Variants in SLC6A13 observed in about 807,000 individuals in gnomAD.
SLC6A13 encodes the protein sodium- and chloride-dependent GABA transporter 2.
Under a neutral mutation model 72.9 loss-of-function variants are expected in SLC6A13, and 69 were observed. The ratio of observed to expected loss-of-function variants is 0.95; its 90% CI spans 0.78 to 1.16. The LOEUF is 1.16. Among genes scored for constraint, SLC6A13 ranks in the 50% most tolerant of loss-of-function variants. The pLI is 0.00. For missense variants in SLC6A13, 735 were observed against 760.5 expected (o/e 0.97, Z 0.39); for synonymous variants, 303 against 303.0 (o/e 1.00, Z 0.00).
At chr12:227,502 G>A (rs536191322) in intron 8 of SLC6A13, 63 bp downstream of exon 8, 296 of 1,606,898 alleles carry the variant, frequency 1.8e-4, no homozygotes, top group Non-Finnish European at 2.4e-4. Context: ...CCCTCGTCTA[G>A]CGTGGCTGGA....
chr12:250,546 C>T (rs1159100066), intron 2 of SLC6A13, among the ~76,000 whole-genome samples: 1 of 151,864 alleles, frequency 6.6e-6, no homozygotes, highest in Admixed American at 6.6e-5. Flanking sequence ...ACAATAGCAT[C>T]AAAAATATTA....
intron 7 of SLC6A13, among the ~76,000 whole-genome samples, chr12:232,074 C>T (rs1043373864): frequency 6.6e-6 from 1 of 152,164 alleles, no homozygotes; most frequent in African/African-American, 2.4e-5. Context: ...CTGCTGTGAG[C>T]GTTTGCTGAA....
intron 2 of SLC6A13, among the ~76,000 whole-genome samples, chr12:247,027 G>A (rs201971657): frequency 1.7e-4 from 3 of 17,492 alleles, no homozygotes; most frequent in Non-Finnish European, 4.4e-4. Flanking sequence ...AAAAAAGAAA[G>A]AAAGAAAAGA....
intron 7 of SLC6A13, among the ~76,000 whole-genome samples, chr12:229,513 G>A (rs1035531553): frequency 2.0e-5 from 3 of 152,214 alleles, no homozygotes; most frequent in Admixed American, 6.5e-5. Context: ...GCAGCTTCAA[G>A]AGCAGGACCT....
At chr12:246,294 G>T (rs1385989007) in intron 2 of SLC6A13, among the ~76,000 whole-genome samples, 1 of 151,968 alleles carries the variant, frequency 6.6e-6, no homozygotes, top group Non-Finnish European at 1.5e-5. Flanking sequence ...CTCCAGCCTG[G>T]CAACAGAGTG....
rs537541659 is a variant in SLC6A13 at position 260,003 on chromosome 12, A to G, written c.50T>C (p.Val17Ala). 1.7e-5 allele frequency: 28 copies of G among 1,614,044 alleles called. No homozygotes were observed. Among genetic ancestry groups the G allele is most frequent in the Admixed American group, 1.7e-5 (1 of 60,018 alleles). ...GTTSNGETKP[V>A]YPVMEKKEED... ...CTCCTTCTTTTCCATGACTGGATAC[A>G]CTGGTTTTGTCTCTCCATTACTGGT... The change falls in exon 2 of 15, where the codon GTG becomes GCG. Residue 17 changes from valine (V) to alanine (A), a missense_variant. Val to Ala is a moderately conservative substitution (Grantham distance 64). Coordinates refer to ENST00000343164, the MANE Select transcript of SLC6A13 (RefSeq NM_016615.5).
At chr12:239,340 CGG>C (rs1942078021) in intron 4 of SLC6A13, among the ~76,000 whole-genome samples, 1 of 146,140 alleles carries the variant, frequency 6.8e-6, no homozygotes, top group African/African-American at 2.5e-5. Context: ...CCTCAGCCAC[CGG>C]CTCTACCACG....
intron 2 of SLC6A13, among the ~76,000 whole-genome samples, chr12:253,017 C>T (rs1398837139): frequency 6.6e-6 from 1 of 152,212 alleles, no homozygotes; most frequent in Non-Finnish European, 1.5e-5. Flanking sequence ...TGCCTCTTCC[C>T]CTCCGCAGGT....
chr12:248,768 T>C (rs1161450404), intron 2 of SLC6A13, among the ~76,000 whole-genome samples: 2 of 152,202 alleles, frequency 1.3e-5, no homozygotes, highest in Non-Finnish European at 2.9e-5. Flanking sequence ...TTGAAAATTA[T>C]ATCCACCAGC....
intron 4 of SLC6A13, among the ~76,000 whole-genome samples, 195 bp downstream of exon 4, chr12:242,413 GTTAATT>G (rs2137296466): frequency 6.6e-6 from 1 of 152,360 alleles, no homozygotes; most frequent in South Asian, 2.1e-4. Context: ...CATTGAATAT[GTTAATT>G]TTTTCTTTAA....
chr12:252,184 A>C (rs1009660791), intron 2 of SLC6A13, among the ~76,000 whole-genome samples: 2 of 152,238 alleles, frequency 1.3e-5, no homozygotes, highest in Non-Finnish European at 2.9e-5. Context: ...CATTTATATA[A>C]TATTCTAAGA....
chr12:240,442 C>T (rs993153351), intron 4 of SLC6A13, among the ~76,000 whole-genome samples: 2 of 152,290 alleles, frequency 1.3e-5, no homozygotes, highest in African/African-American at 2.4e-5. Context: ...TGAGCTGAGG[C>T]GATCCACTGG....
At chr12:243,536 T>C (rs1363369502) in intron 3 of SLC6A13, 143 bp downstream of exon 3, 2 of 760,644 alleles carry the variant, frequency 2.6e-6, no homozygotes, top group Non-Finnish European at 4.2e-6. Flanking sequence ...TAGCTCAGTA[T>C]GCAGCCCACA....
At chr12:230,491 C>T (rs1941665628) in intron 7 of SLC6A13, among the ~76,000 whole-genome samples, 1 of 150,476 alleles carries the variant, frequency 6.6e-6, no homozygotes, top group South Asian at 2.1e-4. Flanking sequence ...CCCTGAACCT[C>T]CCTTTTCTCA....
At chr12:222,222 G>A (rs370277957) in intron 13 of SLC6A13, among the ~76,000 whole-genome samples, 5 of 152,230 alleles carry the variant, frequency 3.3e-5, no homozygotes, top group African/African-American at 1.2e-4. Context: ...TAGGATTGCT[G>A]TGGTTATTAG....
intron 7 of SLC6A13, among the ~76,000 whole-genome samples, chr12:229,531 A>AAAGGCCCTGAGCT (rs1159037983): frequency 6.6e-6 from 1 of 152,230 alleles, no homozygotes; most frequent in Non-Finnish European, 1.5e-5. Context: ...CCTTCTGGCA[A>AAAGGCCCTGAGCT]AAGGCCCTGA....
intron 2 of SLC6A13, among the ~76,000 whole-genome samples, chr12:256,311 T>G (rs947997779): frequency 6.6e-6 from 1 of 152,106 alleles, no homozygotes. Flanking sequence ...TGACACAGGC[T>G]CAGGGCTTGG....
intron 2 of SLC6A13, among the ~76,000 whole-genome samples, chr12:255,369 C>T (rs1019992097): frequency 6.6e-6 from 1 of 152,144 alleles, no homozygotes; most frequent in Non-Finnish European, 1.5e-5. Flanking sequence ...ATACTCAGTT[C>T]TCAACATACC....
At chr12:238,112 T>A in intron 4 of SLC6A13, 102 bp from the exon 5 acceptor site, 1 of 1,564,128 alleles carries the variant, frequency 6.4e-7, no homozygotes, top group East Asian at 2.3e-5. Context: ...GGAAGGAAGG[T>A]ATTTGGCAGG....
Sources: gnomAD v4.1 joint callset for allele counts (sites outside exome capture counted in the v4.1 genomes callset) on GRCh38, gnomAD v4.1.1 for gene constraint, MANE v1.5 for transcripts, NCBI Gene and HGNC (gene_info 2026-07-23, HGNC 2026-07-21) for gene names.